TMEM132B: variants seen among roughly 807,000 people sequenced by gnomAD.
TMEM132B encodes transmembrane protein 132B.
A neutral mutation model predicts 90.8 loss-of-function variants in TMEM132B; 18 were observed. That is an observed-to-expected ratio of 0.20 (90% CI 0.14 to 0.29). The LOEUF is 0.29. Ranked by LOEUF, TMEM132B falls within the 10% of genes least tolerant of loss-of-function variation. The pLI is 1.00. For missense variants in TMEM132B, 1,096 were observed against 1,326.8 expected, an observed-to-expected ratio of 0.83 and a Z score of 2.70; for synonymous variants, 504 against 523.3, an observed-to-expected ratio of 0.96 and a Z score of 0.50.
At chr12:125,229,969 A>C (rs1873779349) in intron 1 of TMEM132B, among the ~76,000 whole-genome samples, 1 of 152,354 alleles carries the variant, frequency 6.6e-6, no homozygotes, top group East Asian at 1.9e-4. Flanking sequence ...GGAGGATAGA[A>C]AATGCCGGGG....
chr12:125,500,353 C>T (rs1882666280), intron 3 of TMEM132B, among the ~76,000 whole-genome samples: 1 of 152,210 alleles, frequency 6.6e-6, no homozygotes, highest in African/African-American at 2.4e-5. Context: ...GTAGGAAGTG[C>T]AGCAGCCTCC....
chr12:125,285,842 G>A (rs181447140), intron 1 of TMEM132B, among the ~76,000 whole-genome samples: 1 of 152,348 alleles, frequency 6.6e-6, no homozygotes, highest in Non-Finnish European at 1.5e-5. Flanking sequence ...CAGGGCCTGG[G>A]GAGGTAGAGG....
intron 1 of TMEM132B, among the ~76,000 whole-genome samples, chr12:125,264,013 G>A (rs961943333): frequency 2.6e-5 from 4 of 152,224 alleles, no homozygotes; most frequent in Admixed American, 2.6e-4. Flanking sequence ...ACTGTCTAGA[G>A]GTTGGAAGTC....
In TMEM132B at chr12:125,234,966, G is replaced by A. The variant is rs114084521; in HGVS notation, c.67+48100G>A. 1.1e-3 allele frequency among the ~76,000 whole-genome samples: 173 copies of A among 152,250 alleles called. 2 individuals carry two copies. Among genetic ancestry groups the A allele is most frequent in the African/African-American group, 3.4e-3 (140 of 41,554 alleles). On this transcript the variant is annotated intron_variant, in intron 1 of 8. Transcript: ENST00000682704. ...TTGAACTGACAGATCTCTTTCCAGC[G>A]TACTCTTTGCAGCTGATCCTGCTCC...
intron 4 of TMEM132B, among the ~76,000 whole-genome samples, chr12:125,539,678 T>C (rs892167796): frequency 1.3e-5 from 2 of 152,254 alleles, no homozygotes; most frequent in Non-Finnish European, 2.9e-5. Context: ...ATGCTTTTGA[T>C]ATGTCTAGAC....
chr12:125,544,839 C>A (rs540713271), intron 4 of TMEM132B, among the ~76,000 whole-genome samples: 118 of 152,306 alleles, frequency 7.7e-4, no homozygotes, highest in African/African-American at 2.7e-3. Context: ...GATGACTTTG[C>A]AGACATCTTG....
rs1885118893 is a variant in TMEM132B at position 125,584,002 on chromosome 12, G to A, written c.1437+8G>A. 6.2e-7 allele frequency: 1 copy of A among 1,614,108 alleles called. No individual in the cohort carries two copies. The highest frequency in any genetic ancestry group is 8.5e-7 in the Non-Finnish European group (1 of 1,179,992). On this transcript the variant is annotated splice_region_variant and intron_variant, in intron 5 of 8. Transcript: ENST00000682704. Reference sequence around the variant, plus strand: ...GATGAAGATGTCATTAAGGTAAGGGGGGATTTATCTACAGCTGTCCTAAGT... The same window carrying A: ...GATGAAGATGTCATTAAGGTAAGGGAGGATTTATCTACAGCTGTCCTAAGT...
intron 5 of TMEM132B, among the ~76,000 whole-genome samples, chr12:125,616,921 C>G (rs2136959745): frequency 6.6e-6 from 1 of 152,284 alleles, no homozygotes; most frequent in East Asian, 1.9e-4. Flanking sequence ...TGTGAGCACA[C>G]AGTGAGAAAG....
chr12:125,231,798 C>T (rs897164547), intron 1 of TMEM132B, among the ~76,000 whole-genome samples: 4 of 151,528 alleles, frequency 2.6e-5, no homozygotes, highest in African/African-American at 9.7e-5. Context: ...ATCTTTGTAC[C>T]GATCCCTATT....
chr12:125,290,028 A>G (rs1014759491), intron 1 of TMEM132B, among the ~76,000 whole-genome samples: 1 of 152,208 alleles, frequency 6.6e-6, no homozygotes, highest in Non-Finnish European at 1.5e-5. Context: ...CATGTCAGCA[A>G]GAGGAAGCCT....
intron 3 of TMEM132B, among the ~76,000 whole-genome samples, chr12:125,462,135 A>G (rs919481619): frequency 6.6e-6 from 1 of 152,192 alleles, no homozygotes; most frequent in African/African-American, 2.4e-5. Context: ...TATTTTTGCC[A>G]AAGGAAATGT....
intron 3 of TMEM132B, among the ~76,000 whole-genome samples, chr12:125,466,849 G>A (rs1465894230): frequency 4.6e-5 from 7 of 152,242 alleles, no homozygotes; most frequent in Non-Finnish European, 7.3e-5. Context: ...CCTGGTGTTG[G>A]CTATCGAGGG....
At chr12:125,242,527 T>A (rs1467138271) in intron 1 of TMEM132B, among the ~76,000 whole-genome samples, 1 of 152,138 alleles carries the variant, frequency 6.6e-6, no homozygotes, top group Non-Finnish European at 1.5e-5. Flanking sequence ...TTGGAACCAC[T>A]CCAGAACTAA....
At chr12:125,564,979 G>A (rs1286481924) in intron 4 of TMEM132B, among the ~76,000 whole-genome samples, 3 of 152,166 alleles carry the variant, frequency 2.0e-5, no homozygotes, top group African/African-American at 7.2e-5. Context: ...AACTGAGGTG[G>A]GAGGAGGAGG....
intron 1 of TMEM132B, among the ~76,000 whole-genome samples, chr12:125,261,562 T>A (rs1163620356): frequency 6.6e-6 from 1 of 152,246 alleles, no homozygotes; most frequent in Non-Finnish European, 1.5e-5. Context: ...AATCAGGATG[T>A]ATTATCTGAA....
chr12:125,315,017 T>C (rs1186330797), intron 1 of TMEM132B, among the ~76,000 whole-genome samples: 1 of 152,180 alleles, frequency 6.6e-6, no homozygotes, highest in African/African-American at 2.4e-5. Flanking sequence ...TCTGGGTTTT[T>C]CTTTCCTATG....
At chr12:125,429,939 A>T (rs1880447538) in intron 3 of TMEM132B, among the ~76,000 whole-genome samples, 1 of 152,100 alleles carries the variant, frequency 6.6e-6, no homozygotes, top group Non-Finnish European at 1.5e-5. Flanking sequence ...AGGGGTGGGG[A>T]GTTATGCTCC....
chr12:125,243,032 TACACACACACACACACAC>T (rs765539161), intron 1 of TMEM132B, among the ~76,000 whole-genome samples: 4 of 135,022 alleles, frequency 3.0e-5, no homozygotes, highest in Admixed American at 7.5e-5. Flanking sequence ...TATATATATA[TACACACACACACACACAC>T]ACATACATAT....
intron 1 of TMEM132B, among the ~76,000 whole-genome samples, chr12:125,190,193 C>G (rs900772246): frequency 2.0e-5 from 3 of 152,204 alleles, no homozygotes; most frequent in Non-Finnish European, 4.4e-5. Flanking sequence ...AACTCCTCAC[C>G]TATGACTTTC....
Sources: gnomAD v4.1 joint callset for allele counts (sites outside exome capture counted in the v4.1 genomes callset) on GRCh38, gnomAD v4.1.1 for gene constraint, MANE v1.5 for transcripts, NCBI Gene and HGNC (gene_info 2026-07-23, HGNC 2026-07-21) for gene names.